The following HIP1 variants were observed in gnomAD, a reference collection of about 807,000 sequenced individuals.
HIP1 encodes huntingtin interacting protein 1.
In HIP1, 65 loss-of-function variants were observed where a neutral mutation model predicts 147.6. That is an observed-to-expected ratio of 0.44 (90% CI 0.36 to 0.54). The LOEUF (loss-of-function observed/expected upper bound fraction) is 0.54. Ranked by LOEUF, HIP1 falls within the 20% of genes least tolerant of loss-of-function variation. The probability of loss-of-function intolerance (pLI) is 0.00; values close to 1 mark genes in which losing one functional copy is unlikely to be tolerated. For missense variants in HIP1, 1,061 were observed against 1,299.6 expected (o/e 0.82, Z 2.82); for synonymous variants, 479 against 504.0 (o/e 0.95, Z 0.67).
rs1250030887 is a variant in HIP1, at chr7:75,556,128, C to T, written c.1725G>A (p.Lys575=). The T allele has an allele frequency of 1.2e-6, 2 of 1,614,060 alleles. No homozygotes were observed. Among genetic ancestry groups the T allele is most frequent in the Admixed American group, 1.7e-5 (1 of 59,996 alleles). The change falls in exon 18 of 31, where the codon AAG becomes AAA. Residue 575 remains lysine, a synonymous_variant. Transcript: ENST00000336926. ...NWAAEFAELE[K]ERDSLVSGAA... The stretch of plus-strand genomic sequence containing the variant: ...CGCCACTCACCAGGCTGTCCCGCTC[C>T]TTCTCTAGCTCGGCGAACTCGGCTG...
chr7:75,736,443 G>T (rs1802023431), intron 1 of HIP1, among the ~76,000 whole-genome samples: 1 of 151,940 alleles, frequency 6.6e-6, no homozygotes, highest in Non-Finnish European at 1.5e-5. Flanking sequence ...AGGGCTGGGT[G>T]CCATGGCTCA....
At chr7:75,656,312 T>C (rs1482209664) in intron 1 of HIP1, among the ~76,000 whole-genome samples, 1 of 151,276 alleles carries the variant, frequency 6.6e-6, no homozygotes, top group African/African-American at 2.4e-5. Context: ...CATTTCAAAT[T>C]AGTAGGGAAA....
intron 1 of HIP1, among the ~76,000 whole-genome samples, chr7:75,609,543 G>A (rs947934682): frequency 2.0e-5 from 3 of 151,624 alleles, no homozygotes; most frequent in Non-Finnish European, 4.4e-5. Flanking sequence ...CATACTCAAC[G>A]GTACCGTTTT....
At chr7:75,620,185 G>A (rs587638885) in intron 1 of HIP1, among the ~76,000 whole-genome samples, 1 of 152,036 alleles carries the variant, frequency 6.6e-6, no homozygotes, top group East Asian at 1.9e-4. Context: ...AGGAGTTCAA[G>A]ACCAGCTGGG....
intron 14 of HIP1, among the ~76,000 whole-genome samples, chr7:75,559,060 C>G (rs1554493994): frequency 6.6e-6 from 1 of 152,172 alleles, no homozygotes; most frequent in Non-Finnish European, 1.5e-5. Context: ...GGGATTCATG[C>G]CTCTTCAGCA....
chr7:75,583,674 C>T lies in HIP1; in HGVS notation c.466-1523G>A, dbSNP rs587628941. Among the ~76,000 whole-genome samples, 111 of 151,856 alleles carry T rather than the reference C, an allele frequency of 7.3e-4. 3 individuals are homozygous for T. The South Asian group carries it at 0.018, about 25-fold the overall frequency. ...GCATGATCATCACTCACTGCAGCCTCGAATTCCTGGGCTCAAGTGATCCTC... is the reference window on the plus strand; with the variant it reads ...GCATGATCATCACTCACTGCAGCCTTGAATTCCTGGGCTCAAGTGATCCTC... On this transcript the variant is annotated intron_variant, in intron 5 of 30. Transcript: ENST00000336926.
chr7:75,737,378 T>C (rs538182082), intron 1 of HIP1, among the ~76,000 whole-genome samples: 2 of 150,630 alleles, frequency 1.3e-5, no homozygotes, highest in East Asian at 2.0e-4. Context: ...AGTTTCGCTC[T>C]TGTTGCCCAG....
In HIP1 at chr7:75,551,189, A is replaced by ATTTTTTTTTTTTTTTTTTTTTTTTTTT. The variant is rs55679922; in HGVS notation, c.2296-2189_2296-2188insAAAAAAAAAAAAAAAAAAAAAAAAAAA. Among the ~76,000 whole-genome samples, 3 of 77,416 alleles carry ATTTTTTTTTTTTTTTTTTTTTTTTTTT rather than the reference A, an allele frequency of 3.9e-5. 1 individual carries two copies. The highest frequency in any genetic ancestry group is 2.0e-4 in the African/African-American group (3 of 14,718). The allele number at this position is 77,416 out of a possible 152,430, so 50.8% of individuals were successfully genotyped here. A position where few individuals can be genotyped will look rare whatever the true frequency, so the allele number is the denominator to read the frequency against. On this transcript the variant is annotated intron_variant, in intron 22 of 30. Transcript: ENST00000336926. Reference sequence around the variant, plus strand: ...TAGGGAGGCAAAGATGTAGATGATAATTTTTTTTTTTTTTTTTTTTTTTTT... The same window carrying ATTTTTTTTTTTTTTTTTTTTTTTTTTT: ...TAGGGAGGCAAAGATGTAGATGATAATTTTTTTTTTTTTTTTTTTTTTTTTTTTTTTTTTTTTTTTTTTTTTTTTTTT...
intron 1 of HIP1, among the ~76,000 whole-genome samples, chr7:75,668,617 C>T (rs10279158): frequency 6.6e-6 from 1 of 151,758 alleles, no homozygotes; most frequent in Non-Finnish European, 1.5e-5. Flanking sequence ...GAGCCACCAC[C>T]CCTGGCCGGG....
chr7:75,685,961 T>C (rs1413193448), intron 1 of HIP1, among the ~76,000 whole-genome samples: 2 of 152,028 alleles, frequency 1.3e-5, no homozygotes, highest in Non-Finnish European at 2.9e-5. Flanking sequence ...AGTGGCGTGA[T>C]CTTGGCTCAC....
In HIP1 at chr7:75,640,167, G is replaced by T. The variant is rs1205781950; in HGVS notation, c.121-40920C>A. Among the ~76,000 whole-genome samples the T allele has an allele frequency of 2.0e-5, 3 of 152,194 alleles. No individual in the cohort carries two copies. In the East Asian group the frequency reaches 5.8e-4, roughly 29 times the overall value. On this transcript the variant is annotated intron_variant, in intron 1 of 30. Transcript: ENST00000336926. Reference sequence around the variant, plus strand: ...CTCCGGAAAAAGCCTGGCCATTCAAGCCTATAGTTTCAACACAGTCTGTCC... The same window carrying T: ...CTCCGGAAAAAGCCTGGCCATTCAATCCTATAGTTTCAACACAGTCTGTCC...
At chr7:75,567,136 A>G (rs1382547869) in intron 9 of HIP1, among the ~76,000 whole-genome samples, 1 of 150,440 alleles carries the variant, frequency 6.6e-6, no homozygotes, top group Admixed American at 6.6e-5. Context: ...AAACAAACAA[A>G]CAAAAACAGA....
At position 75,683,784 on chromosome 7, in the gene HIP1, A is replaced by G. The variant is rs78472040; in HGVS notation, c.120+55017T>C. Among the ~76,000 whole-genome samples the G allele has an allele frequency of 6.3e-3, 966 of 152,332 alleles. 10 individuals carry two copies. The highest frequency in any genetic ancestry group is 0.021 in the African/African-American group (883 of 41,592). On this transcript the variant is annotated intron_variant, in intron 1 of 30. Coordinates refer to ENST00000336926, the MANE Select transcript of HIP1 (RefSeq NM_005338.7). ...GTCTGTTCTGGTCTCTGAAGTTAGGAGAAAAGAGAAACAAATGGACATCTG... is the reference window on the plus strand; with the variant it reads ...GTCTGTTCTGGTCTCTGAAGTTAGGGGAAAAGAGAAACAAATGGACATCTG...
chr7:75,577,457 T>TA lies in HIP1; in HGVS notation c.605-3557dup, dbSNP rs1795887412. Among the ~76,000 whole-genome samples the TA allele has an allele frequency of 2.6e-5, 4 of 152,126 alleles. No homozygotes were observed. In the South Asian group the frequency reaches 8.3e-4, roughly 31 times the overall value. On this transcript the variant is annotated intron_variant, in intron 7 of 30. Transcript: ENST00000336926. ...CTGGGAAACTCTAGGGTGAATTACT[T>TA]AGAGTCTTCTGGACCAGAGCTACCC...
chr7:75,727,652 C>A (rs558680724), intron 1 of HIP1, among the ~76,000 whole-genome samples: 22 of 151,970 alleles, frequency 1.4e-4, no homozygotes, highest in African/African-American at 5.3e-4. Context: ...TCGAGACTAG[C>A]CTGGGCAACA....
chr7:75,539,370 C>T lies in HIP1; in HGVS notation c.3014G>A (p.Arg1005Gln), dbSNP rs782046562. ...ACCAGCAAGCTCGTAGTGCTTTTTC[C>T]GAAGCTCTCCCAGTTTTTGACGCTC... ...QKERQKLGEL[R>Q]KKHYELAGVA... The change falls in exon 30 of 31, where the codon CGG (arginine) becomes CAG (glutamine). Residue 1005 changes from arginine to glutamine, a missense_variant. Around this residue, in one of 3 missense-constraint regions of HIP1, gnomAD observed 810 missense variants for 946.8 expected, o/e 0.86. Coordinates refer to ENST00000336926, the MANE Select transcript of HIP1 (RefSeq NM_005338.7). 1.1e-5 allele frequency: 18 copies of T among 1,614,076 alleles called. No homozygotes were observed. The highest frequency in any genetic ancestry group is 3.3e-5 in the Admixed American group (2 of 60,000).
chr7:75,681,496 G>A (rs1479834718), intron 1 of HIP1, among the ~76,000 whole-genome samples: 1 of 33,496 alleles, frequency 3.0e-5, no homozygotes, highest in Non-Finnish European at 4.7e-5. Flanking sequence ...CACAGCACCT[G>A]CTTTTTTTTT....
chr7:75,584,042 C>A (rs1294564460), intron 5 of HIP1, among the ~76,000 whole-genome samples: 1 of 151,280 alleles, frequency 6.6e-6, no homozygotes, highest in African/African-American at 2.4e-5. Context: ...CTCACTGCAA[C>A]CTCAGCCCCT....
At chr7:75,656,574 T>C (rs1377493444) in intron 1 of HIP1, among the ~76,000 whole-genome samples, 2 of 151,978 alleles carry the variant, frequency 1.3e-5, no homozygotes, top group Non-Finnish European at 1.5e-5. Flanking sequence ...GCCTCCTGGG[T>C]TCAAGCGATT....
Sources: gnomAD v4.1 joint callset for allele counts (sites outside exome capture counted in the v4.1 genomes callset) on GRCh38, gnomAD v4.1.1 for gene constraint, gnomAD v4.1.1 regional missense constraint, MANE v1.5 for transcripts, NCBI Gene and HGNC (gene_info 2026-07-23, HGNC 2026-07-21) for gene names.